Variants in CNPY1 observed in about 807,000 individuals in gnomAD.
CNPY1 encodes the protein protein canopy homolog 1.
In CNPY1, 14 loss-of-function variants were observed where a neutral mutation model predicts 14.4. That is an observed-to-expected ratio of 0.97 (90% CI 0.64 to 1.52). CNPY1 has a LOEUF of 1.52. Among genes scored for constraint, CNPY1 ranks in the 40% most tolerant of loss-of-function variants. The pLI, the probability that CNPY1 is intolerant of heterozygous loss-of-function variation, is 0.00. For synonymous variants in CNPY1, 43 were observed against 46.5 expected (o/e 0.92, Z 0.31); for missense variants, 129 against 131.5 (o/e 0.98, Z 0.09).
chr7:155,527,270 A>G (rs1386565720), intron 2 of CNPY1, among the ~76,000 whole-genome samples: 1 of 151,006 alleles, frequency 6.6e-6, no homozygotes, highest in Admixed American at 6.6e-5. Context: ...AAAACGTCGA[A>G]GCCAAAAACC....
intron 3 of CNPY1, 26 bp downstream of exon 3, chr7:155,508,868 A>G: frequency 1.2e-6 from 2 of 1,610,536 alleles, no homozygotes; most frequent in Non-Finnish European, 1.7e-6. Context: ...GGATCATACG[A>G]TTCATCTGCA....
At chr7:155,511,321 C>T (rs887212111) in intron 2 of CNPY1, among the ~76,000 whole-genome samples, 23 of 152,160 alleles carry the variant, frequency 1.5e-4, no homozygotes, top group Non-Finnish European at 1.5e-5. Flanking sequence ...ACGCTGAAAA[C>T]TAATTTTTCA....
At chr7:155,533,223 C>CCGA (rs1348649833) in intron 2 of CNPY1, among the ~76,000 whole-genome samples, 6 of 152,362 alleles carry the variant, frequency 3.9e-5, no homozygotes, top group Non-Finnish European at 8.8e-5. Context: ...CACTCCGCGC[C>CCGA]CGACGGGAAC....
At chr7:155,523,816 G>A (rs1024695340) in intron 2 of CNPY1, among the ~76,000 whole-genome samples, 1 of 152,182 alleles carries the variant, frequency 6.6e-6, no homozygotes. Flanking sequence ...CAGCTAGGAT[G>A]AGATCATATT....
rs375905836 is a variant in CNPY1 at position 155,516,663 on chromosome 7, G to A, written c.100-7566C>T. ...CGCTGGGTCACCCAGTAGGAGCAAG[G>A]GTTACCTCAGCTGACCGGGAAGCTG... On this transcript the variant is annotated intron_variant, in intron 2 of 4. Transcript: ENST00000636446. Among the ~76,000 whole-genome samples, 9 of 152,298 alleles carry A rather than the reference G, an allele frequency of 5.9e-5. No homozygotes were observed. The East Asian group carries it at 9.7e-4, about 16-fold the overall frequency.
chr7:155,543,065 A>G (rs527421376), intron 2 of CNPY1, among the ~76,000 whole-genome samples: 2 of 152,242 alleles, frequency 1.3e-5, no homozygotes, highest in South Asian at 4.2e-4. Context: ...CCCACAGAGG[A>G]ACAGCCTCTC....
At position 155,508,994 on chromosome 7, in the gene CNPY1, C is replaced by T; in HGVS notation, c.203G>A (p.Arg68Lys). 1 of 1,613,896 alleles carries T rather than the reference C, an allele frequency of 6.2e-7. No homozygotes were observed. Among genetic ancestry groups the T allele is most frequent in the Non-Finnish European group, 8.5e-7 (1 of 1,179,880 alleles). Residue 68 changes from arginine to lysine, a missense_variant, in exon 3 of 5, where the codon AGA (arginine) becomes AAA (lysine). Arg to Lys is a conservative substitution (Grantham distance 26, BLOSUM62 2). Transcript: ENST00000636446. ...KLEEDPVTKE[R>K]TFKRFAPRKG... ...CCTAGGAGCGAATCTCTTGAAAGTT[C>T]TCTCCTTCGTCACAGGGTCTTCCTC... is the stretch of plus-strand genomic sequence containing the variant.
At chr7:155,505,077 T>C (rs1004452652) in intron 4 of CNPY1, among the ~76,000 whole-genome samples, 1 of 152,238 alleles carries the variant, frequency 6.6e-6, no homozygotes, top group South Asian at 2.1e-4. Flanking sequence ...TATCGTGCTA[T>C]TAACTCACTT....
At chr7:155,532,438 T>C (rs577463620) in intron 2 of CNPY1, among the ~76,000 whole-genome samples, 112 of 147,100 alleles carry the variant, frequency 7.6e-4, no homozygotes, top group African/African-American at 2.6e-3. Flanking sequence ...TCGGCTAACA[T>C]GGTGAAACCC....
chr7:155,509,112 A>G lies in CNPY1; in HGVS notation c.100-15T>C. On this transcript the variant is annotated splice_polypyrimidine_tract_variant and intron_variant, in intron 2 of 4. Coordinates refer to ENST00000636446, the MANE Select transcript of CNPY1 (RefSeq NM_001393663.1). Reference sequence around the variant, plus strand: ...GCTAGGGGGATCTAAGAAGAAAGACAGGGCGAGGAAACTTGTCTTAATGTT... The same window carrying G: ...GCTAGGGGGATCTAAGAAGAAAGACGGGGCGAGGAAACTTGTCTTAATGTT... The G allele has an allele frequency of 6.7e-7, 1 of 1,482,830 alleles. No homozygotes were observed. The highest frequency in any genetic ancestry group is 9.1e-7 in the Non-Finnish European group (1 of 1,094,070). The allele number at this position is 1,482,830 out of a possible 1,614,324, so 91.9% of individuals were successfully genotyped here.
intron 2 of CNPY1, among the ~76,000 whole-genome samples, chr7:155,513,418 TG>T (rs1309122518): frequency 3.3e-5 from 5 of 152,114 alleles, no homozygotes; most frequent in Non-Finnish European, 7.4e-5. Flanking sequence ...CATAAGACCT[TG>T]GGGGGAAAAC....
chr7:155,514,723 G>C (rs140923880), intron 2 of CNPY1, among the ~76,000 whole-genome samples: 1 of 151,798 alleles, frequency 6.6e-6, no homozygotes, highest in East Asian at 1.9e-4. Flanking sequence ...GGAGAGACCC[G>C]GTCTCTACTA....
intron 4 of CNPY1, among the ~76,000 whole-genome samples, chr7:155,505,008 G>C (rs994873307): frequency 6.6e-6 from 1 of 152,156 alleles, no homozygotes; most frequent in Non-Finnish European, 1.5e-5. Flanking sequence ...TATCATTGAT[G>C]TGTTGCTTGA....
chr7:155,505,948 A>C (rs1796291832), intron 4 of CNPY1, among the ~76,000 whole-genome samples: 1 of 152,166 alleles, frequency 6.6e-6, no homozygotes, highest in South Asian at 2.1e-4. Context: ...CCAATTATCT[A>C]CTCAGAGTAT....
chr7:155,534,813 G>T (rs901551387), intron 2 of CNPY1, among the ~76,000 whole-genome samples: 21 of 152,248 alleles, frequency 1.4e-4, no homozygotes, highest in African/African-American at 5.1e-4. Context: ...GGCACTGAGG[G>T]AGCGGGCGCT....
At chr7:155,505,003 T>C (rs898844252) in intron 4 of CNPY1, among the ~76,000 whole-genome samples, 2 of 152,212 alleles carry the variant, frequency 1.3e-5, no homozygotes, top group African/African-American at 4.8e-5. Flanking sequence ...GTTTTTATCA[T>C]TGATGTGTTG....
chr7:155,545,934 G>A lies in CNPY1; in HGVS notation c.-5C>T, dbSNP rs959614309. The A allele has an allele frequency of 5.0e-5, 20 of 398,450 alleles. No homozygotes were observed. The highest frequency in any genetic ancestry group is 1.3e-4 in the South Asian group (1 of 7,860). 24.7% of individuals were successfully genotyped at this position (398,450 alleles called of 1,614,324 possible). A position where few individuals can be genotyped will look rare whatever the true frequency, so the allele number is the denominator to read the frequency against. Reference sequence around the variant, plus strand: ...GTCGTGCTCTATCTCGTCCATCAGCGCCCTGCACGCTAAACAAGACACAAA... The same window carrying A: ...GTCGTGCTCTATCTCGTCCATCAGCACCCTGCACGCTAAACAAGACACAAA... On this transcript the variant is annotated 5_prime_UTR_variant, in exon 2 of 5. Coordinates refer to ENST00000636446, the MANE Select transcript of CNPY1 (RefSeq NM_001393663.1).
chr7:155,534,887 G>A (rs1341997140), intron 2 of CNPY1, among the ~76,000 whole-genome samples: 2 of 152,214 alleles, frequency 1.3e-5, no homozygotes, highest in African/African-American at 4.8e-5. Flanking sequence ...CTCGGTGTCT[G>A]TGGACAAGAG....
intron 2 of CNPY1, among the ~76,000 whole-genome samples, chr7:155,532,984 T>C (rs1421926173): frequency 2.0e-5 from 3 of 152,282 alleles, no homozygotes; most frequent in Admixed American, 2.0e-4. Flanking sequence ...AAACAAAACG[T>C]GCTCATTTCT....
Sources: allele counts gnomAD v4.1 joint callset (sites outside exome capture counted in the v4.1 genomes callset), GRCh38; gene constraint gnomAD v4.1.1; transcripts MANE v1.5; gene names NCBI Gene and HGNC (gene_info 2026-07-23, HGNC 2026-07-21).